CDK6: variants seen among roughly 807,000 people sequenced by gnomAD.
The protein encoded by CDK6 is cyclin-dependent kinase 6.
A neutral mutation model predicts 37.1 loss-of-function variants in CDK6; 6 were observed. That is an observed-to-expected ratio of 0.16 (90% CI 0.09 to 0.32). The LOEUF (loss-of-function observed/expected upper bound fraction) is 0.32. CDK6 is among the 10% of genes least tolerant of loss of function. CDK6 has a pLI of 1.00. For missense variants in CDK6, 224 were observed against 418.9 expected (o/e 0.53, Z 4.06); for synonymous variants, 160 against 161.3 (o/e 0.99, Z 0.06).
At chr7:92,628,479 T>G (rs1163645863) in intron 5 of CDK6, among the ~76,000 whole-genome samples, 1 of 152,138 alleles carries the variant, frequency 6.6e-6, no homozygotes, top group Non-Finnish European at 1.5e-5. Context: ...TTCAGAGTAC[T>G]GAATTTACTG....
intron 5 of CDK6, among the ~76,000 whole-genome samples, chr7:92,632,528 T>C (rs1216409252): frequency 1.3e-5 from 2 of 152,212 alleles, no homozygotes; most frequent in East Asian, 3.8e-4. Context: ...TGATGTTGTC[T>C]ACCAGTGTCT....
chr7:92,652,487 T>C (rs1796598681), intron 5 of CDK6, among the ~76,000 whole-genome samples: 1 of 152,308 alleles, frequency 6.6e-6, no homozygotes, highest in African/African-American at 2.4e-5. Context: ...GAAACATAAT[T>C]TTAGTCATAC....
chr7:92,688,700 AT>A (rs1454494340), intron 4 of CDK6, among the ~76,000 whole-genome samples: 1 of 152,046 alleles, frequency 6.6e-6, no homozygotes, highest in Non-Finnish European at 1.5e-5. Flanking sequence ...TTGTTTGAAC[AT>A]TAATAATGTA....
intron 2 of CDK6, among the ~76,000 whole-genome samples, chr7:92,797,513 T>C (rs1176457339): frequency 6.6e-6 from 1 of 152,186 alleles, no homozygotes; most frequent in African/African-American, 2.4e-5. Context: ...AGGTGGATAC[T>C]GGAACATGGC....
rs1374477819 is a variant in CDK6, at chr7:92,672,242, C to CACACACAT, written c.538-708_538-707insATGTGTGT. 5.8e-3 allele frequency among the ~76,000 whole-genome samples: 672 copies of CACACACAT among 116,090 alleles called. 12 individuals are homozygous for CACACACAT. Among genetic ancestry groups the CACACACAT allele is most frequent in the African/African-American group, 0.012 (286 of 22,976 alleles). The allele number at this position is 116,090 out of a possible 152,430, so 76.2% of individuals were successfully genotyped here. On this transcript the variant is annotated intron_variant, in intron 4 of 7. Transcript: ENST00000424848. ...ACACACACACACACACACACACACACATATATGAAGATGGTGCCAGGGCTG... is the reference window on the plus strand; with the variant it reads ...ACACACACACACACACACACACACACACACACATATATATGAAGATGGTGCCAGGGCTG...
At chr7:92,766,190 T>C (rs1304140086) in intron 3 of CDK6, among the ~76,000 whole-genome samples, 3 of 152,172 alleles carry the variant, frequency 2.0e-5, no homozygotes, top group Non-Finnish European at 4.4e-5. Context: ...CTGGTTGTTA[T>C]ACAGAGGATG....
At chr7:92,818,119 T>G (rs1164766942) in intron 2 of CDK6, among the ~76,000 whole-genome samples, 1 of 151,784 alleles carries the variant, frequency 6.6e-6, no homozygotes, top group South Asian at 2.1e-4. Context: ...ACTCTAAAAT[T>G]TATATGAAAA....
At chr7:92,705,921 T>C (rs754297713) in intron 4 of CDK6, among the ~76,000 whole-genome samples, 9 of 152,360 alleles carry the variant, frequency 5.9e-5, no homozygotes, top group Middle Eastern at 3.4e-3. Flanking sequence ...GGGGCATTCC[T>C]GCATGGCTTT....
At chr7:92,745,988 T>C (rs1340419061) in intron 3 of CDK6, among the ~76,000 whole-genome samples, 2 of 152,198 alleles carry the variant, frequency 1.3e-5, no homozygotes, top group African/African-American at 4.8e-5. Flanking sequence ...GTGAATTATA[T>C]GAGATATACA....
intron 2 of CDK6, among the ~76,000 whole-genome samples, chr7:92,826,449 C>T (rs1446593152): frequency 6.6e-6 from 1 of 152,060 alleles, no homozygotes. Flanking sequence ...GAAGGATAAG[C>T]AGAATTTCAA....
intron 5 of CDK6, among the ~76,000 whole-genome samples, chr7:92,664,790 CTT>C (rs199837575): frequency 1.1e-4 from 16 of 144,130 alleles, no homozygotes; most frequent in Non-Finnish European, 7.7e-5. Flanking sequence ...TTTTTTCTTC[CTT>C]TTTTTTTTTT....
At chr7:92,812,223 A>G (rs1205340047) in intron 2 of CDK6, among the ~76,000 whole-genome samples, 2 of 152,188 alleles carry the variant, frequency 1.3e-5, no homozygotes, top group Non-Finnish European at 2.9e-5. Flanking sequence ...AATTTTACAA[A>G]TGAAGACATT....
At chr7:92,650,897 T>TC (rs962531074) in intron 5 of CDK6, among the ~76,000 whole-genome samples, 2 of 142,570 alleles carry the variant, frequency 1.4e-5, no homozygotes, top group Admixed American at 7.0e-5. Context: ...ATTCTCTCTC[T>TC]TTTTTTTTTT....
intron 2 of CDK6, among the ~76,000 whole-genome samples, chr7:92,796,583 G>A (rs954993346): frequency 9.2e-5 from 14 of 151,924 alleles, no homozygotes; most frequent in African/African-American, 3.4e-4. Flanking sequence ...CAATTGAAAG[G>A]GAAAACTGAG....
At chr7:92,706,560 G>A (rs1380648658) in intron 4 of CDK6, among the ~76,000 whole-genome samples, 1 of 152,172 alleles carries the variant, frequency 6.6e-6, no homozygotes, top group Non-Finnish European at 1.5e-5. Flanking sequence ...AATTTGTCCT[G>A]TGGGTGGTAA....
Position 92,833,013 on chromosome 7 carries a change from T to C in CDK6, c.233+78A>G, listed in dbSNP as rs889486320. On this transcript the variant is annotated intron_variant, in intron 2 of 7. Transcript: ENST00000424848. This position sits in a 1 kb window ranked among gnomAD's most constrained non-coding sequence, Gnocchi z 6.1. ...AGTCGCCCTCTGCCCCGCACCTTTCTGGGCCTGAGGATTCCCGGCTCGGCC... is the reference window on the plus strand; with the variant it reads ...AGTCGCCCTCTGCCCCGCACCTTTCCGGGCCTGAGGATTCCCGGCTCGGCC... The C allele has an allele frequency of 5.8e-6, 6 of 1,041,892 alleles. No homozygotes were observed. In the Admixed American group the frequency reaches 8.4e-5, roughly 15 times the overall value. The allele number at this position is 1,041,892 out of a possible 1,614,324, so 64.5% of individuals were successfully genotyped here.
chr7:92,717,398 A>AAAGG (rs571523966), intron 4 of CDK6, among the ~76,000 whole-genome samples: 53 of 147,818 alleles, frequency 3.6e-4, no homozygotes, highest in Admixed American at 8.1e-4. Context: ...AGGAAAGGAA[A>AAAGG]AAGGAAGGAA....
chr7:92,810,718 A>G (rs1221826232), intron 2 of CDK6, among the ~76,000 whole-genome samples: 1 of 152,216 alleles, frequency 6.6e-6, no homozygotes, highest in Non-Finnish European at 1.5e-5. Context: ...GAAGATAAAC[A>G]GTAATAGTAA....
intron 6 of CDK6, 119 bp downstream of exon 6, chr7:92,622,917 C>T: frequency 1.5e-6 from 1 of 663,440 alleles, no homozygotes; most frequent in Admixed American, 2.6e-5. Flanking sequence ...ACACTGTCTG[C>T]AGCAGCTGCT....
Sources: gnomAD v4.1 joint callset for allele counts (sites outside exome capture counted in the v4.1 genomes callset) on GRCh38, gnomAD v4.1.1 for gene constraint, Gnocchi (gnomAD v3.1) non-coding constraint, MANE v1.5 for transcripts, NCBI Gene and HGNC (gene_info 2026-07-23, HGNC 2026-07-21) for gene names.